GPC5: variants seen among roughly 807,000 people sequenced by gnomAD.
GPC5 encodes glypican-5.
A neutral mutation model predicts 53.9 loss-of-function variants in GPC5; 47 were observed. The observed-to-expected ratio is 0.87, with a 90% CI of 0.69 to 1.11. The LOEUF is 1.11. Ranked by LOEUF, GPC5 falls within the 50% of genes most tolerant of loss-of-function variation. The pLI, the probability that GPC5 is intolerant of heterozygous loss-of-function variation, is 0.00. For synonymous variants in GPC5, 286 were observed against 263.3 expected, an observed-to-expected ratio of 1.09 and a Z score of -0.84; for missense variants, 748 against 713.1, an observed-to-expected ratio of 1.05 and a Z score of -0.56.
intron 2 of GPC5, among the ~76,000 whole-genome samples, chr13:91,638,185 G>A (rs1261875423): frequency 6.6e-6 from 1 of 152,120 alleles, no homozygotes; most frequent in Non-Finnish European, 1.5e-5. Flanking sequence ...GGACAGTGGT[G>A]TACCTTCTGG....
chr13:92,613,181 G>T (rs1163748036), intron 7 of GPC5, among the ~76,000 whole-genome samples: 2 of 140,760 alleles, frequency 1.4e-5, no homozygotes, highest in African/African-American at 5.3e-5. Flanking sequence ...AATCAAACAG[G>T]GACTGTGTTC....
chr13:91,834,426 C>A (rs1424998757), intron 5 of GPC5, among the ~76,000 whole-genome samples: 1 of 152,030 alleles, frequency 6.6e-6, no homozygotes, highest in African/African-American at 2.4e-5. Flanking sequence ...AAAAAAGAGC[C>A]CACACAGCCA....
At position 91,914,604 on chromosome 13, in the gene GPC5, C is replaced by T. The variant is rs575387883; in HGVS notation, c.1401+6547C>T. Among the ~76,000 whole-genome samples, 5 of 138,058 alleles carry T rather than the reference C, an allele frequency of 3.6e-5. No homozygotes were observed. The South Asian group carries it at 1.2e-3, about 34-fold the overall frequency. The allele number at this position is 138,058 out of a possible 152,430, so 90.6% of individuals were successfully genotyped here. The stretch of plus-strand genomic sequence containing the variant: ...TATTCAGGCAGAGATGAGAGACACT[C>T]TGATTTTAGTAGAAAAAGGCTGTGC... On this transcript the variant is annotated intron_variant, in intron 6 of 7. Transcript: ENST00000377067.
At chr13:92,816,295 C>T (rs964158124) in intron 7 of GPC5, among the ~76,000 whole-genome samples, 1 of 152,078 alleles carries the variant, frequency 6.6e-6, no homozygotes, top group Admixed American at 6.5e-5. Context: ...AACTCTGGGT[C>T]TGTTGGTAAC....
intron 7 of GPC5, among the ~76,000 whole-genome samples, chr13:92,385,429 CATATAT>C (rs1275760317): frequency 0.016 from 1,211 of 76,948 alleles, 64 homozygotes; most frequent in African/African-American, 0.042. Flanking sequence ...TACATATATA[CATATAT>C]ACATATATAC....
At position 92,662,887 on chromosome 13, in the gene GPC5, AT is replaced by A. The variant is rs1886397872; in HGVS notation, c.1562-203393del. 1.3e-5 allele frequency among the ~76,000 whole-genome samples: 2 copies of A among 152,014 alleles called. 1 individual carries two copies. Among genetic ancestry groups the A allele is most frequent in the Non-Finnish European group, 2.9e-5 (2 of 68,010 alleles). ...TTCTCTTCCTTGCCCTGCTCCACTAATTGCCTTATTTATCTACCCTGGAGCC... is the reference window on the plus strand; with the variant it reads ...TTCTCTTCCTTGCCCTGCTCCACTAATGCCTTATTTATCTACCCTGGAGCC... On this transcript the variant is annotated intron_variant, in intron 7 of 7. Transcript: ENST00000377067.
intron 7 of GPC5, among the ~76,000 whole-genome samples, chr13:92,267,059 T>G (rs536423976): frequency 6.6e-6 from 1 of 152,262 alleles, no homozygotes; most frequent in African/African-American, 2.4e-5. Context: ...TTTAGCTTCA[T>G]GCAATTTTGC....
intron 4 of GPC5, among the ~76,000 whole-genome samples, chr13:91,751,613 C>G (rs953756896): frequency 1.3e-5 from 2 of 152,110 alleles, no homozygotes; most frequent in Non-Finnish European, 2.9e-5. Context: ...TAAATTCTGC[C>G]TACATTTTTT....
At chr13:91,784,477 C>CTGTAATCACACCTGTATATCCA (rs2037846421) in intron 5 of GPC5, among the ~76,000 whole-genome samples, 2 of 152,110 alleles carry the variant, frequency 1.3e-5, no homozygotes, top group Admixed American at 6.5e-5. Flanking sequence ...GTAATCCCAG[C>CTGTAATCACACCTGTATATCCA]ACTTCGGGAG....
intron 2 of GPC5, among the ~76,000 whole-genome samples, chr13:91,450,348 A>G (rs1480748901): frequency 1.3e-5 from 2 of 152,166 alleles, no homozygotes; most frequent in African/African-American, 4.8e-5. Flanking sequence ...TCCAATGAAA[A>G]GGATAGTAGG....
chr13:92,593,608 G>T (rs777954912), intron 7 of GPC5, among the ~76,000 whole-genome samples: 1 of 149,108 alleles, frequency 6.7e-6, no homozygotes, highest in Non-Finnish European at 1.5e-5. Flanking sequence ...CAGAAAGTAC[G>T]TTTAGAATGG....
rs536979897 is a variant in GPC5, at chr13:91,426,079, C to T, written c.164-22682C>T. On this transcript the variant is annotated intron_variant, in intron 1 of 7. Transcript: ENST00000377067. The stretch of plus-strand genomic sequence containing the variant: ...ACTTATCTTTAAAAGGGAAACAGAG[C>T]ATAAAATGCTGGAAAATTTGCAGCC... 2.0e-5 allele frequency among the ~76,000 whole-genome samples: 3 copies of T among 152,200 alleles called. No individual in the cohort carries two copies. In the South Asian group the frequency reaches 6.2e-4, roughly 32 times the overall value.
At chr13:91,498,939 C>G (rs947935596) in intron 2 of GPC5, among the ~76,000 whole-genome samples, 1 of 151,200 alleles carries the variant, frequency 6.6e-6, no homozygotes, top group African/African-American at 2.4e-5. Context: ...CCACTGCACT[C>G]CAGCCTGGGG....
intron 7 of GPC5, chr13:92,240,982 A>G (rs2042607945): frequency 6.6e-6 from 1 of 152,186 alleles, no homozygotes; most frequent in South Asian, 2.1e-4. Flanking sequence ...TCTCTTATTT[A>G]TATGAAATAC....
chr13:91,722,885 G>A (rs1010270203), intron 3 of GPC5, among the ~76,000 whole-genome samples: 1 of 152,126 alleles, frequency 6.6e-6, no homozygotes, highest in African/African-American at 2.4e-5. Flanking sequence ...TTTTCCCCAA[G>A]AACTGGGCAC....
chr13:92,432,440 C>T (rs1366101886), intron 7 of GPC5, among the ~76,000 whole-genome samples: 1 of 148,414 alleles, frequency 6.7e-6, no homozygotes, highest in Non-Finnish European at 1.5e-5. Context: ...CAAGCTCCGC[C>T]TCCTGGGTTC....
intron 7 of GPC5, among the ~76,000 whole-genome samples, chr13:92,347,933 CATCTT>C (rs2043440519): frequency 8.9e-5 from 1 of 11,248 alleles, no homozygotes; most frequent in Non-Finnish European, 2.1e-4. Flanking sequence ...ATTATATATA[CATCTT>C]ATATGTAAAC....
intron 5 of GPC5, among the ~76,000 whole-genome samples, chr13:91,901,722 C>A (rs2039499286): frequency 6.6e-6 from 1 of 152,004 alleles, no homozygotes; most frequent in African/African-American, 2.4e-5. Context: ...ATAGATACAA[C>A]ATATTTCCCA....
intron 7 of GPC5, among the ~76,000 whole-genome samples, chr13:92,771,608 G>A (rs1875619397): frequency 6.6e-6 from 1 of 152,080 alleles, no homozygotes; most frequent in African/African-American, 2.4e-5. Flanking sequence ...CTCCCAAAGT[G>A]CTGGGATTAC....
Sources: gnomAD v4.1 joint callset for allele counts (sites outside exome capture counted in the v4.1 genomes callset) on GRCh38, gnomAD v4.1.1 for gene constraint, MANE v1.5 for transcripts, NCBI Gene and HGNC (gene_info 2026-07-23, HGNC 2026-07-21) for gene names.